The following TENM1 variants were observed in gnomAD, a reference collection of about 807,000 sequenced individuals.
The protein encoded by TENM1 is teneurin-1.
Under a neutral mutation model 174.8 loss-of-function variants are expected in TENM1, and 35 were observed. The observed-to-expected ratio is 0.20, with a 90% CI of 0.15 to 0.27. The LOEUF (loss-of-function observed/expected upper bound fraction) is 0.27. TENM1 is among the 10% of genes least tolerant of loss of function. The probability of loss-of-function intolerance (pLI) is 1.00; values close to 1 mark genes in which losing one functional copy is unlikely to be tolerated. For synonymous variants in TENM1, 781 were observed against 798.7 expected, an observed-to-expected ratio of 0.98 and a Z score of 0.37; for missense variants, 1,633 against 2,130.1, an observed-to-expected ratio of 0.77 and a Z score of 4.59.
At chrX:124,582,156 T>A (rs927644327) in intron 11 of TENM1, among the ~76,000 whole-genome samples, 8 of 112,031 alleles carry the variant, frequency 7.1e-5, no homozygotes, top group Non-Finnish European at 1.3e-4. Flanking sequence ...GTTCCTGTGT[T>A]AGTTTGCTGA....
chrX:125,114,484 T>C, the TENM1 span, among the ~76,000 whole-genome samples: 7 of 111,007 alleles, frequency 6.3e-5, no homozygotes, highest in African/African-American at 2.3e-4. Context: ...ACAAAATAGA[T>C]AGACTGCTAG....
At chrX:124,896,302 TCTA>T in intron 1 of TENM1, 61 bp from the exon 5 acceptor site, 32 of 1,137,590 alleles carry the variant, frequency 2.8e-5, no homozygotes, top group Non-Finnish European at 3.8e-5. Flanking sequence ...CCCAGAAAAT[TCTA>T]CTTTTTGTTC....
At chrX:124,584,082 G>C (rs1261587108) in intron 11 of TENM1, among the ~76,000 whole-genome samples, 1 of 110,361 alleles carries the variant, frequency 9.1e-6, no homozygotes, top group African/African-American at 3.3e-5. Flanking sequence ...AAGTGACGGG[G>C]AGAATGGAAC....
chrX:124,504,486 C>T (rs918183477), intron 18 of TENM1, among the ~76,000 whole-genome samples: 2 of 28,922 alleles, frequency 6.9e-5, no homozygotes, highest in Non-Finnish European at 1.2e-4. Flanking sequence ...ATACCAAGTC[C>T]TAGCCATTTT....
intron 4 of TENM1, among the ~76,000 whole-genome samples, chrX:124,712,571 TC>T (rs1189851010): frequency 3.6e-5 from 4 of 111,181 alleles, no homozygotes; most frequent in African/African-American, 1.3e-4. Context: ...AACCTCTGCC[TC>T]CCACGTTCAG....
At chrX:124,387,829 G>T (rs1264090633) in intron 28 of TENM1, among the ~76,000 whole-genome samples, 1 of 112,047 alleles carries the variant, frequency 8.9e-6, no homozygotes, top group Non-Finnish European at 1.9e-5. Context: ...TTCGTCACTT[G>T]TGGACAACCT....
chrX:124,448,791 G>A lies in TENM1; in HGVS notation c.4104+4546C>T, dbSNP rs549474922. Among the ~76,000 whole-genome samples, 109 of 111,866 alleles carry A rather than the reference G, an allele frequency of 9.7e-4. 1 individual carries two copies. The South Asian group carries it at 0.04, about 41-fold the overall frequency. On this transcript the variant is annotated intron_variant, in intron 23 of 31. Transcript: ENST00000422452. Reference sequence around the variant, plus strand: ...CAAAGATCAAATTACATTTAAGCATGGTGATACTAAATTCCAGTAAGGGAT... The same window carrying A: ...CAAAGATCAAATTACATTTAAGCATAGTGATACTAAATTCCAGTAAGGGAT...
chrX:125,165,290 A>G, the TENM1 span, among the ~76,000 whole-genome samples: 2 of 111,736 alleles, frequency 1.8e-5, no homozygotes, highest in Non-Finnish European at 3.8e-5. Context: ...GATTTTTGCC[A>G]TATTCTCTGG....
chrX:124,842,043 T>G (rs1369849088), intron 3 of TENM1, among the ~76,000 whole-genome samples: 1 of 111,803 alleles, frequency 8.9e-6, no homozygotes. Context: ...ATACTTATAG[T>G]GTTACCAGGA....
the TENM1 span, among the ~76,000 whole-genome samples, chrX:125,200,272 A>C: frequency 8.9e-6 from 1 of 111,905 alleles, no homozygotes; most frequent in Middle Eastern, 4.2e-3. Flanking sequence ...TAGTGATTTA[A>C]TCTAACACTC....
the TENM1 span, among the ~76,000 whole-genome samples, chrX:125,190,056 C>T: frequency 9.0e-6 from 1 of 111,045 alleles, no homozygotes; most frequent in Admixed American, 9.6e-5. Context: ...TTTAATGGGA[C>T]GTTTACTCAA....
At chrX:124,392,113 C>T (rs2060288203) in exon 28 of TENM1, 1 of 1,208,266 alleles carries the variant, frequency 8.3e-7, no homozygotes, top group Non-Finnish European at 1.1e-6. Flanking sequence ...AATAATTTTC[C>T]CACTCTGGTC....
At chrX:124,787,009 C>A (rs1033779952) in intron 3 of TENM1, among the ~76,000 whole-genome samples, 1 of 111,672 alleles carries the variant, frequency 9.0e-6, no homozygotes, top group Admixed American at 9.5e-5. Context: ...TCTGTACTCA[C>A]GGGAGTCTTA....
intron 11 of TENM1, among the ~76,000 whole-genome samples, chrX:124,635,286 T>A (rs2050853080): frequency 8.9e-6 from 1 of 112,130 alleles, no homozygotes; most frequent in South Asian, 3.7e-4. Flanking sequence ...CCCACACATA[T>A]ACTGATATCT....
At chrX:124,944,808 C>G (rs1045233073) in intron 1 of TENM1, among the ~76,000 whole-genome samples, 1 of 109,112 alleles carries the variant, frequency 9.2e-6, no homozygotes, top group African/African-American at 3.3e-5. Flanking sequence ...ACGTATAGTA[C>G]AGTAAATATG....
the TENM1 span, among the ~76,000 whole-genome samples, chrX:125,000,034 C>T: frequency 9.0e-6 from 1 of 111,411 alleles, no homozygotes; most frequent in Non-Finnish European, 1.9e-5. Context: ...ACATAAAATA[C>T]AGCCCTACAA....
rs762351308 is a variant in TENM1, at chrX:124,713,017, AT to A, written c.777-7767del. On this transcript the variant is annotated intron_variant, in intron 4 of 31. Transcript: ENST00000422452. ...ACTATATAAAGGAGAATTTCATTTT[AT>A]TTGCCCTGTGATTCTTTCTTCCAAA... Among the ~76,000 whole-genome samples, 258 of 111,224 alleles carry A rather than the reference AT, an allele frequency of 2.3e-3. 1 individual carries two copies. The highest frequency in any genetic ancestry group is 8.1e-3 in the African/African-American group (247 of 30,660).
intron 3 of TENM1, among the ~76,000 whole-genome samples, chrX:124,798,452 C>CT (rs1299105658): frequency 8.9e-6 from 1 of 111,983 alleles, no homozygotes; most frequent in African/African-American, 3.2e-5. Flanking sequence ...TGATGATGAG[C>CT]TTTTTTTCAT....
intron 3 of TENM1, among the ~76,000 whole-genome samples, chrX:124,746,765 A>C (rs1052377073): frequency 9.0e-6 from 1 of 111,344 alleles, no homozygotes; most frequent in Non-Finnish European, 1.9e-5. Flanking sequence ...GTGAGAAGGC[A>C]GCTCAATTAG....
Sources: allele counts gnomAD v4.1 joint callset (sites outside exome capture counted in the v4.1 genomes callset), GRCh38; gene constraint gnomAD v4.1.1; transcripts MANE v1.5; gene names NCBI Gene and HGNC (gene_info 2026-07-23, HGNC 2026-07-21).